The following RYR3 variants were observed in gnomAD, a reference collection of about 807,000 sequenced individuals.
RYR3 encodes ryanodine receptor 3, also known as brain ryanodine receptor-calcium release channel.
RYR3 carries 207 observed loss-of-function variants against 584.3 expected under a neutral mutation model. The ratio of observed to expected loss-of-function variants is 0.35; its 90% CI spans 0.32 to 0.40. The LOEUF is 0.40. Ranked by LOEUF, RYR3 falls within the 10% of genes least tolerant of loss-of-function variation. The probability of loss-of-function intolerance (pLI) is 1.00; values close to 1 mark genes in which losing one functional copy is unlikely to be tolerated. For missense variants in RYR3, 5,616 were observed against 6,089.2 expected (o/e 0.92, Z 2.59); for synonymous variants, 2,416 against 2,248.5 (o/e 1.07, Z -2.11).
chr15:33,764,150 C>G (rs540179499), intron 60 of RYR3, among the ~76,000 whole-genome samples: 86 of 152,170 alleles, frequency 5.7e-4, no homozygotes, highest in Non-Finnish European at 2.6e-4. Flanking sequence ...CAGCACTGTT[C>G]ACAATAGCAA....
At chr15:33,447,128 G>A (rs2046733994) in intron 1 of RYR3, among the ~76,000 whole-genome samples, 1 of 152,244 alleles carries the variant, frequency 6.6e-6, no homozygotes, top group Non-Finnish European at 1.5e-5. Flanking sequence ...TAAGTGCTTA[G>A]TAAAAGAAAA....
intron 12 of RYR3, among the ~76,000 whole-genome samples, chr15:33,576,713 AG>A (rs1310891747): frequency 6.6e-6 from 1 of 152,210 alleles, no homozygotes; most frequent in African/African-American, 2.4e-5. Context: ...GCACAAGACA[AG>A]GATGTCCTTT....
At chr15:33,638,814 A>G (rs567836509) in intron 27 of RYR3, among the ~76,000 whole-genome samples, 4 of 152,350 alleles carry the variant, frequency 2.6e-5, no homozygotes, top group Non-Finnish European at 5.9e-5. Context: ...TGGGATTTGA[A>G]TTGCATGTTA....
chr15:33,771,914 T>C lies in RYR3; in HGVS notation c.8817-6T>C, dbSNP rs758194641. Reference sequence around the variant, plus strand: ...GCTTCTAGATTTGAACATTGTTTGCTTGCAGGACTGTCATGAAGTCAGGCT... The same window carrying C: ...GCTTCTAGATTTGAACATTGTTTGCCTGCAGGACTGTCATGAAGTCAGGCT... On this transcript the variant is annotated splice_region_variant and splice_polypyrimidine_tract_variant and intron_variant, in intron 62 of 103. Coordinates refer to ENST00000634891, the MANE Select transcript of RYR3 (RefSeq NM_001036.6). 1 of 1,600,168 alleles carries C rather than the reference T, an allele frequency of 6.2e-7. No homozygotes were observed. Among genetic ancestry groups the C allele is most frequent in the Non-Finnish European group, 8.5e-7 (1 of 1,170,168 alleles).
At chr15:33,407,317 CAGAAG>C (rs1312630630) in intron 1 of RYR3, among the ~76,000 whole-genome samples, 1 of 152,150 alleles carries the variant, frequency 6.6e-6, no homozygotes, top group Non-Finnish European at 1.5e-5. Context: ...CATAATGTGA[CAGAAG>C]AGAAGTAAAA....
At chr15:33,692,110 A>G (rs1436959503) in intron 38 of RYR3, among the ~76,000 whole-genome samples, 1 of 152,228 alleles carries the variant, frequency 6.6e-6, no homozygotes, top group Non-Finnish European at 1.5e-5. Flanking sequence ...TATATGCATT[A>G]ATTACTTTAA....
chr15:33,662,158 T>C lies in RYR3; in HGVS notation c.4628T>C (p.Val1543Ala). ...ATTGCTCGTCCTGTCCTCAGGTGTG[T>C]GGATATCCTGGAGCTCTGTGAGCAG... ...ALHIPEENRC[V>A]DILELCEQED... Residue 1543 changes from valine (V) to alanine (A), a missense_variant, in exon 35 of 104, where the codon GTG (valine) becomes GCG (alanine). By Grantham distance (64) the Val-to-Ala change is moderately conservative. Coordinates refer to ENST00000634891, the MANE Select transcript of RYR3 (RefSeq NM_001036.6). 6.3e-7 allele frequency: 1 copy of C among 1,590,910 alleles called. No individual in the cohort carries two copies. The highest frequency in any genetic ancestry group is 8.6e-7 in the Non-Finnish European group (1 of 1,169,206).
At chr15:33,764,589 AAAAT>A (rs2072838419) in intron 60 of RYR3, among the ~76,000 whole-genome samples, 1 of 152,096 alleles carries the variant, frequency 6.6e-6, no homozygotes, top group African/African-American at 2.4e-5. Flanking sequence ...AAAAAAAAAA[AAAAT>A]GAGCATCTGT....
intron 1 of RYR3, among the ~76,000 whole-genome samples, chr15:33,389,159 A>G (rs1262855098): frequency 6.6e-6 from 1 of 151,528 alleles, no homozygotes; most frequent in Non-Finnish European, 1.5e-5. Flanking sequence ...GCACACCAAC[A>G]TGGCACATGT....
intron 8 of RYR3, among the ~76,000 whole-genome samples, chr15:33,546,243 C>T (rs1760919569): frequency 6.6e-6 from 1 of 152,170 alleles, no homozygotes; most frequent in Non-Finnish European, 1.5e-5. Context: ...CGCTGTTTCA[C>T]CTGTGACCTG....
chr15:33,754,894 A>G (rs570616198), intron 57 of RYR3, among the ~76,000 whole-genome samples, 171 bp from the exon 58 acceptor site: 1 of 152,330 alleles, frequency 6.6e-6, no homozygotes, highest in Non-Finnish European at 1.5e-5. Flanking sequence ...CTGTGCTCAC[A>G]TAGGTAGGTT....
chr15:33,409,935 A>C (rs1292446280), intron 1 of RYR3, among the ~76,000 whole-genome samples: 1 of 152,184 alleles, frequency 6.6e-6, no homozygotes, highest in Non-Finnish European at 1.5e-5. Flanking sequence ...TCCTGAAAAC[A>C]CCAGGGCCTG....
intron 1 of RYR3, among the ~76,000 whole-genome samples, chr15:33,328,301 C>G (rs538525191): frequency 1.3e-5 from 2 of 152,266 alleles, no homozygotes; most frequent in East Asian, 1.9e-4. Context: ...CTGCCCACAC[C>G]GTCCTTATCT....
intron 16 of RYR3, among the ~76,000 whole-genome samples, chr15:33,590,321 AGGCCTG>A (rs1567610830): frequency 6.6e-6 from 1 of 152,148 alleles, no homozygotes; most frequent in East Asian, 1.9e-4. Flanking sequence ...TTGGGCTCAG[AGGCCTG>A]AAGGTAATGT....
chr15:33,821,412 A>C (rs1381765789), intron 79 of RYR3, 43 bp downstream of exon 79: 1 of 1,586,204 alleles, frequency 6.3e-7, no homozygotes, highest in African/African-American at 1.3e-5. Flanking sequence ...AACTTCCACA[A>C]AGATATCATG....
chr15:33,790,996 A>G (rs1420993634), intron 67 of RYR3, among the ~76,000 whole-genome samples: 2 of 152,240 alleles, frequency 1.3e-5, no homozygotes, highest in African/African-American at 4.8e-5. Context: ...CTCATTAGTT[A>G]TTGGTGACCT....
intron 1 of RYR3, among the ~76,000 whole-genome samples, chr15:33,425,462 A>G (rs1449237583): frequency 6.6e-6 from 1 of 152,138 alleles, no homozygotes; most frequent in East Asian, 1.9e-4. Flanking sequence ...GGTGAAATCT[A>G]AAACTACAGA....
At position 33,701,208 on chromosome 15, in the gene RYR3, T is replaced by C. The variant is rs111455406; in HGVS notation, c.6483+128T>C. On this transcript the variant is annotated intron_variant, in intron 42 of 103. Transcript: ENST00000634891. ...CATCTTGGTGGGCTTGTAGGGAAAG[T>C]GTGAAAGAATGTGAGTAACCGGTAG... 9.3e-4 allele frequency: 573 copies of C among 617,128 alleles called. 3 individuals carry two copies. In the African/African-American group the frequency reaches 9.5e-3, roughly 10 times the overall value. The allele number at this position is 617,128 out of a possible 1,614,324, so 38.2% of individuals were successfully genotyped here.
rs536415793 is a variant in RYR3 at position 33,770,585 on chromosome 15, C to T, written c.8817-1335C>T. On this transcript the variant is annotated intron_variant, in intron 62 of 103. Coordinates refer to ENST00000634891, the MANE Select transcript of RYR3 (RefSeq NM_001036.6). ...TGGGCAACATAGACCCCCATCTCTA[C>T]AAAAAATTTTAAAAATTATCCAGAC... Among the ~76,000 whole-genome samples, 146 of 152,090 alleles carry T rather than the reference C, an allele frequency of 9.6e-4. 1 individual carries two copies. Among genetic ancestry groups the T allele is most frequent in the Admixed American group, 2.1e-3 (32 of 15,280 alleles).
Sources: allele counts gnomAD v4.1 joint callset (sites outside exome capture counted in the v4.1 genomes callset), GRCh38; gene constraint gnomAD v4.1.1; transcripts MANE v1.5; gene names NCBI Gene and HGNC (gene_info 2026-07-23, HGNC 2026-07-21).